The following COL21A1 variants were observed in gnomAD, a reference collection of about 807,000 sequenced individuals.
COL21A1 encodes the protein collagen alpha-1(XXI) chain.
Under a neutral mutation model 137.9 loss-of-function variants are expected in COL21A1, and 149 were observed. That is an observed-to-expected ratio of 1.08 (90% CI 0.95 to 1.24). The LOEUF is 1.24. Among genes scored for constraint, COL21A1 ranks in the 50% most tolerant of loss-of-function variants. The probability of loss-of-function intolerance (pLI) is 0.00; values close to 1 mark genes in which losing one functional copy is unlikely to be tolerated. For synonymous variants in COL21A1, 456 were observed against 391.5 expected (o/e 1.16, Z -1.95); for missense variants, 1,167 against 1,158.4 (o/e 1.01, Z -0.11).
intron 1 of COL21A1, among the ~76,000 whole-genome samples, chr6:56,204,858 C>G (rs1268957775): frequency 1.3e-5 from 2 of 152,264 alleles, no homozygotes; most frequent in African/African-American, 4.8e-5. Context: ...ATGAATGAAC[C>G]TATGGCAAAC....
intron 17 of COL21A1, among the ~76,000 whole-genome samples, chr6:56,097,882 T>C (rs1164047629): frequency 1.1e-5 from 1 of 94,948 alleles, no homozygotes; most frequent in South Asian, 2.8e-4. Context: ...TATAAATATA[T>C]AAATATATAT....
At chr6:56,353,603 C>T (rs1330473870) in intron 1 of COL21A1, among the ~76,000 whole-genome samples, 2 of 152,184 alleles carry the variant, frequency 1.3e-5, no homozygotes. Flanking sequence ...AACACTAAGC[C>T]TGGAGTGGTT....
intron 1 of COL21A1, among the ~76,000 whole-genome samples, chr6:56,183,541 T>A (rs1244343400): frequency 2.0e-5 from 3 of 152,126 alleles, no homozygotes; most frequent in Non-Finnish European, 4.4e-5. Flanking sequence ...CTTAACTAAA[T>A]ATACGGAGTA....
intron 1 of COL21A1, among the ~76,000 whole-genome samples, chr6:56,365,339 TA>T (rs1301464048): frequency 6.6e-6 from 1 of 152,202 alleles, no homozygotes; most frequent in Non-Finnish European, 1.5e-5. Context: ...TCTACTCCCC[TA>T]ATGGCTAGAC....
intron 16 of COL21A1, among the ~76,000 whole-genome samples, chr6:56,119,695 G>A (rs1772278918): frequency 6.6e-6 from 1 of 152,068 alleles, no homozygotes; most frequent in Non-Finnish European, 1.5e-5. Flanking sequence ...ACATGGTACT[G>A]GCATACAAAC....
At chr6:56,236,969 T>C (rs1781942287) in intron 1 of COL21A1, among the ~76,000 whole-genome samples, 1 of 152,058 alleles carries the variant, frequency 6.6e-6, no homozygotes, top group African/African-American at 2.4e-5. Flanking sequence ...TATTTTTCCA[T>C]TTAAAACTTC....
At chr6:56,282,618 A>T (rs1186652910) in intron 1 of COL21A1, among the ~76,000 whole-genome samples, 1 of 152,208 alleles carries the variant, frequency 6.6e-6, no homozygotes, top group Non-Finnish European at 1.5e-5. Context: ...CAGCCTGAAA[A>T]CTTCTGCCAG....
chr6:56,088,137 G>A (rs1460561653), intron 17 of COL21A1, among the ~76,000 whole-genome samples: 2 of 152,124 alleles, frequency 1.3e-5, no homozygotes, highest in Non-Finnish European at 2.9e-5. Context: ...GCCGAGGTGG[G>A]TGGATCACCT....
intron 20 of COL21A1, among the ~76,000 whole-genome samples, chr6:56,072,641 A>AC (rs1417083146): frequency 6.6e-6 from 1 of 151,348 alleles, no homozygotes; most frequent in Non-Finnish European, 1.5e-5. Context: ...ACATAGCCAC[A>AC]CCCCATACCC....
In COL21A1 at chr6:56,098,646, T is replaced by A. The variant is rs1317978509; in HGVS notation, c.1812+2826A>T. Among the ~76,000 whole-genome samples the A allele has an allele frequency of 2.2e-3, 53 of 23,732 alleles. 11 individuals carry two copies. The highest frequency in any genetic ancestry group is 3.3e-3 in the Non-Finnish European group (49 of 14,878). The allele number at this position is 23,732 out of a possible 152,430, so 15.6% of individuals were successfully genotyped here. A position where few individuals can be genotyped will look rare whatever the true frequency, so the allele number is the denominator to read the frequency against. On this transcript the variant is annotated intron_variant, in intron 17 of 29. Coordinates refer to ENST00000244728, the MANE Select transcript of COL21A1 (RefSeq NM_030820.4). ...ATATAAATATATATATAAATATATA[T>A]AAATATATAAATATATATAAATATA...
At chr6:56,332,156 C>CT (rs1765241275) in intron 1 of COL21A1, 1 of 151,832 alleles carries the variant, frequency 6.6e-6, no homozygotes, top group Non-Finnish European at 1.5e-5. Context: ...TTTTAGAATT[C>CT]TTTTTTTCTA....
chr6:56,100,509 G>A (rs917254042), intron 17 of COL21A1, among the ~76,000 whole-genome samples: 1 of 152,110 alleles, frequency 6.6e-6, no homozygotes, highest in African/African-American at 2.4e-5. Context: ...AGCTCATACT[G>A]CTGAAATGTA....
At chr6:56,155,609 C>T (rs747865589) in intron 10 of COL21A1, among the ~76,000 whole-genome samples, 3 of 152,040 alleles carry the variant, frequency 2.0e-5, no homozygotes, top group Non-Finnish European at 2.9e-5. Context: ...AAGCTAATTC[C>T]TTTTCATTTT....
intron 17 of COL21A1, among the ~76,000 whole-genome samples, chr6:56,081,885 T>C (rs1767802227): frequency 6.6e-6 from 1 of 151,872 alleles, no homozygotes; most frequent in Non-Finnish European, 1.5e-5. Context: ...TATAGGCTAC[T>C]CATGTTTATA....
At chr6:56,345,922 G>A (rs1165974474) in intron 1 of COL21A1, among the ~76,000 whole-genome samples, 22 of 152,188 alleles carry the variant, frequency 1.4e-4, no homozygotes, top group Admixed American at 1.4e-3. Context: ...ACCCTCGGTG[G>A]TTTTAAGCAT....
At chr6:56,381,292 G>T (rs1456314118) in intron 1 of COL21A1, among the ~76,000 whole-genome samples, 7 of 152,086 alleles carry the variant, frequency 4.6e-5, no homozygotes, top group Non-Finnish European at 7.4e-5. Context: ...TTGTGATTTA[G>T]TTAGAAAGGG....
At chr6:56,206,310 C>CAAA (rs1436695741) in intron 1 of COL21A1, among the ~76,000 whole-genome samples, 2 of 65,296 alleles carry the variant, frequency 3.1e-5, no homozygotes, top group Admixed American at 1.6e-4. Flanking sequence ...AAATGGAAAG[C>CAAA]AAAAAAAAAA....
At chr6:56,068,816 G>A (rs1766484956) in intron 22 of COL21A1, 1 of 377,192 alleles carries the variant, frequency 2.7e-6, no homozygotes, top group Admixed American at 4.8e-5. Context: ...TTTCTGATCT[G>A]CATGTCTTTT....
At chr6:56,148,332 A>AAGAGAGAG (rs1554145096) in intron 10 of COL21A1, among the ~76,000 whole-genome samples, 6 of 24,710 alleles carry the variant, frequency 2.4e-4, no homozygotes, top group African/African-American at 6.2e-4. Context: ...TTAGTGAGAC[A>AAGAGAGAG]AGAGACAGAG....
Sources: allele counts gnomAD v4.1 joint callset (sites outside exome capture counted in the v4.1 genomes callset), GRCh38; gene constraint gnomAD v4.1.1; transcripts MANE v1.5; gene names NCBI Gene and HGNC (gene_info 2026-07-23, HGNC 2026-07-21).